The following CNTNAP2 variants were observed in gnomAD, a reference collection of about 807,000 sequenced individuals.
CNTNAP2 encodes the protein contactin-associated protein-like 2.
CNTNAP2 carries 98 observed loss-of-function variants against 155.2 expected under a neutral mutation model. That is an observed-to-expected ratio of 0.63 (90% CI 0.54 to 0.75). The LOEUF is 0.75. Ranked by LOEUF, CNTNAP2 falls within the 30% of genes least tolerant of loss-of-function variation. CNTNAP2 has a pLI of 0.00. For missense variants in CNTNAP2, 1,727 were observed against 1,688.1 expected (o/e 1.02, Z -0.40); for synonymous variants, 651 against 631.2 (o/e 1.03, Z -0.47).
At chr7:147,004,544 A>C (rs1180542839) in intron 3 of CNTNAP2, among the ~76,000 whole-genome samples, 1 of 152,054 alleles carries the variant, frequency 6.6e-6, no homozygotes, top group Admixed American at 6.6e-5. Context: ...ATTTACTGGC[A>C]AGTGGGGAAG....
At chr7:148,032,349 C>A (rs1375315925) in intron 15 of CNTNAP2, among the ~76,000 whole-genome samples, 1 of 152,126 alleles carries the variant, frequency 6.6e-6, no homozygotes, top group African/African-American at 2.4e-5. Flanking sequence ...AGTTTCTGGG[C>A]TCTCCCTGAA....
rs557600339 is a variant in CNTNAP2, at chr7:147,594,809, T to C, written c.1897+32552T>C. Reference sequence around the variant, plus strand: ...AGATTAACCAAGGCAAGCTCTAAAGTAAGAAGCAATATGGTAAAAAGAGAG... The same window carrying C: ...AGATTAACCAAGGCAAGCTCTAAAGCAAGAAGCAATATGGTAAAAAGAGAG... On this transcript the variant is annotated intron_variant, in intron 12 of 23. Transcript: ENST00000361727. 4.1e-4 allele frequency among the ~76,000 whole-genome samples: 62 copies of C among 152,214 alleles called. No individual in the cohort carries two copies. The South Asian group carries it at 7.7e-3, about 19-fold the overall frequency.
chr7:148,007,231 A>C (rs566506846), intron 15 of CNTNAP2, among the ~76,000 whole-genome samples: 1 of 152,108 alleles, frequency 6.6e-6, no homozygotes, highest in Non-Finnish European at 1.5e-5. Flanking sequence ...TGCTATCAAC[A>C]AAACAGAGCA....
intron 1 of CNTNAP2, among the ~76,000 whole-genome samples, chr7:146,452,790 T>A (rs1441342379): frequency 6.6e-6 from 1 of 152,204 alleles, no homozygotes; most frequent in Non-Finnish European, 1.5e-5. Flanking sequence ...AGCTTTTACT[T>A]CCAGCCAAGG....
intron 2 of CNTNAP2, among the ~76,000 whole-genome samples, chr7:146,786,110 A>C (rs1260146566): frequency 2.6e-5 from 4 of 152,216 alleles, no homozygotes; most frequent in Non-Finnish European, 5.9e-5. Context: ...TAGGCCATAA[A>C]AAAACTGCAC....
intron 18 of CNTNAP2, among the ~76,000 whole-genome samples, chr7:148,213,094 G>C (rs760816405): frequency 6.6e-6 from 1 of 152,102 alleles, no homozygotes; most frequent in Non-Finnish European, 1.5e-5. Context: ...CCCAGGCGGG[G>C]ACCACTCAGC....
At chr7:147,333,226 G>C (rs549492550) in intron 9 of CNTNAP2, among the ~76,000 whole-genome samples, 2 of 152,076 alleles carry the variant, frequency 1.3e-5, no homozygotes, top group South Asian at 4.1e-4. Flanking sequence ...AAAACAGAAG[G>C]CATAGTGATG....
At chr7:147,219,746 C>T (rs184742539) in intron 8 of CNTNAP2, among the ~76,000 whole-genome samples, 46 of 152,232 alleles carry the variant, frequency 3.0e-4, no homozygotes, top group Non-Finnish European at 3.1e-4. Flanking sequence ...TGGCATTAAT[C>T]CACTCATGAG....
chr7:146,184,424 CTG>C (rs902967443), intron 1 of CNTNAP2, among the ~76,000 whole-genome samples: 1 of 152,090 alleles, frequency 6.6e-6, no homozygotes, highest in African/African-American at 2.4e-5. Context: ...ATCCTAAACA[CTG>C]AAGCCTACTG....
chr7:148,164,048 C>T (rs1206829374), intron 17 of CNTNAP2, among the ~76,000 whole-genome samples: 1 of 152,168 alleles, frequency 6.6e-6, no homozygotes, highest in Non-Finnish European at 1.5e-5. Flanking sequence ...GATTCTCCTG[C>T]CACAGCCTCC....
chr7:147,364,798 G>A (rs1316810314), intron 9 of CNTNAP2, among the ~76,000 whole-genome samples: 1 of 151,680 alleles, frequency 6.6e-6, no homozygotes, highest in East Asian at 2.0e-4. Flanking sequence ...GCGGTGAGCC[G>A]AGATCGCGCC....
At position 146,985,134 on chromosome 7, in the gene CNTNAP2, A is replaced by T. The variant is rs189864179; in HGVS notation, c.403-58773A>T. On this transcript the variant is annotated intron_variant, in intron 3 of 23. Transcript: ENST00000361727. ...AAGTCATAGAATGATAAAAGCAGTG[A>T]TGAAAAGAGAATGTACACCTAGGAG... 2.1e-3 allele frequency among the ~76,000 whole-genome samples: 323 copies of T among 152,242 alleles called. 4 individuals are homozygous for T. The highest frequency in any genetic ancestry group is 1.2e-3 in the Non-Finnish European group (79 of 68,016).
chr7:147,886,350 C>T (rs1799598077), intron 13 of CNTNAP2, among the ~76,000 whole-genome samples: 1 of 151,724 alleles, frequency 6.6e-6, no homozygotes. Context: ...TGGCAGGCAC[C>T]TGTAATCCCA....
intron 15 of CNTNAP2, among the ~76,000 whole-genome samples, chr7:148,075,613 G>A (rs1164746703): frequency 6.6e-6 from 1 of 152,104 alleles, no homozygotes; most frequent in Admixed American, 6.6e-5. Flanking sequence ...AAAAAATGGA[G>A]CCTCAGCAAC....
chr7:148,186,854 C>T (rs1389138492), intron 18 of CNTNAP2, among the ~76,000 whole-genome samples: 2 of 152,238 alleles, frequency 1.3e-5, no homozygotes, highest in East Asian at 3.9e-4. Flanking sequence ...GTCAGTGGTC[C>T]AATTTGCTAT....
intron 1 of CNTNAP2, among the ~76,000 whole-genome samples, chr7:146,663,552 A>G (rs891961872): frequency 6.6e-6 from 1 of 151,948 alleles, no homozygotes; most frequent in East Asian, 1.9e-4. Context: ...GGCCTTTTAA[A>G]TTTATCTCTT....
rs55983110 is a variant in CNTNAP2 at position 147,421,585 on chromosome 7, C to CTGTGTGTGTGTGTGTGTGTGTGTGTG, written c.1670+25809_1670+25834dup. Among the ~76,000 whole-genome samples, 419 of 143,580 alleles carry CTGTGTGTGTGTGTGTGTGTGTGTGTG rather than the reference C, an allele frequency of 2.9e-3. 6 individuals carry two copies. Among genetic ancestry groups the CTGTGTGTGTGTGTGTGTGTGTGTGTG allele is most frequent in the African/African-American group, 0.01 (399 of 38,206 alleles). 94.2% of individuals were successfully genotyped at this position (143,580 alleles called of 152,430 possible). On this transcript the variant is annotated intron_variant, in intron 10 of 23. Transcript: ENST00000361727. ...ATATGTCCTGGTATGTCTATCTAAT[C>CTGTGTGTGTGTGTGTGTGTGTGTGTG]TGTGTGTGTGTGTGTGTGTGTGTGT...
At chr7:146,645,949 A>G (rs763795777) in intron 1 of CNTNAP2, among the ~76,000 whole-genome samples, 6 of 152,170 alleles carry the variant, frequency 3.9e-5, no homozygotes, top group Non-Finnish European at 8.8e-5. Context: ...TATTTTATCT[A>G]AAGATACTGT....
At chr7:147,273,931 A>G (rs1292437073) in intron 8 of CNTNAP2, among the ~76,000 whole-genome samples, 1 of 148,136 alleles carries the variant, frequency 6.8e-6, no homozygotes, top group Non-Finnish European at 1.5e-5. Context: ...TTTCATATAT[A>G]TGTAATATCT....
Sources: gnomAD v4.1 joint callset for allele counts (sites outside exome capture counted in the v4.1 genomes callset) on GRCh38, gnomAD v4.1.1 for gene constraint, MANE v1.5 for transcripts, NCBI Gene and HGNC (gene_info 2026-07-23, HGNC 2026-07-21) for gene names.